Variants in UBLCP1 observed in about 807,000 individuals in gnomAD.
UBLCP1 encodes the protein ubiquitin-like domain-containing CTD phosphatase 1.
In UBLCP1, 28 loss-of-function variants were observed where a neutral mutation model predicts 42.4. The ratio of observed to expected loss-of-function variants is 0.66; its 90% confidence interval spans 0.49 to 0.90. The LOEUF (loss-of-function observed/expected upper bound fraction) is 0.90. UBLCP1 is among the 40% of genes least tolerant of loss of function. UBLCP1 has a pLI of 0.00. For missense variants in UBLCP1, 279 were observed against 374.5 expected (o/e 0.75, Z 2.10); for synonymous variants, 122 against 120.8 (o/e 1.01, Z -0.07).
At position 159,285,271 on chromosome 5, in the gene UBLCP1, A is replaced by T. The variant is rs1025154943; in HGVS notation, c.*340A>T. On this transcript the variant is annotated 3_prime_UTR_variant, in exon 11 of 11. Transcript: ENST00000296786. Reference sequence around the variant, plus strand: ...AGTGGAGAAAAATGTATACTCAACAATGTCATTTTGTGACTTTGGAAACAA... The same window carrying T: ...AGTGGAGAAAAATGTATACTCAACATTGTCATTTTGTGACTTTGGAAACAA... 1.6e-5 allele frequency: 3 copies of T among 192,038 alleles called. No individual in the cohort carries two copies. Among genetic ancestry groups the T allele is most frequent in the Non-Finnish European group, 2.1e-5 (2 of 96,516 alleles). The allele number at this position is 192,038 out of a possible 1,614,324, so 11.9% of individuals were successfully genotyped here. A position where few individuals can be genotyped will look rare whatever the true frequency, so the allele number is the denominator to read the frequency against.
rs1276326905 is a variant in UBLCP1 at position 159,285,677 on chromosome 5, T to G, written c.*746T>G. 6.6e-6 allele frequency: 1 copy of G among 152,316 alleles called. No homozygotes were observed. Among genetic ancestry groups the G allele is most frequent in the East Asian group, 1.9e-4 (1 of 5,332 alleles). The allele number at this position is 152,316 out of a possible 1,614,324, so 9.4% of individuals were successfully genotyped here. On this transcript the variant is annotated 3_prime_UTR_variant, in exon 11 of 11. Transcript: ENST00000296786. ...AATGAGTCTCTTTTTGGTGGCTAAGTAGAATCTTCCTAAAACCATTGTCAT... is the reference window on the plus strand; with the variant it reads ...AATGAGTCTCTTTTTGGTGGCTAAGGAGAATCTTCCTAAAACCATTGTCAT...
At chr5:159,269,222 T>A (rs1584737800) in intron 2 of UBLCP1, among the ~76,000 whole-genome samples, 153 bp downstream of exon 2, 1 of 152,250 alleles carries the variant, frequency 6.6e-6, no homozygotes, top group South Asian at 2.1e-4. Context: ...AGAAATATTC[T>A]TAAAATTGTT....
chr5:159,272,209 T>G (rs1753476619), intron 6 of UBLCP1, 88 bp downstream of exon 6: 1 of 1,021,354 alleles, frequency 9.8e-7, no homozygotes, highest in East Asian at 2.4e-5. Context: ...TAAAATGACC[T>G]GTGTTTAAAT....
Position 159,269,065 on chromosome 5 carries a change from T to G in UBLCP1, c.150T>G (p.Val50=). 6.4e-7 allele frequency: 1 copy of G among 1,574,778 alleles called. No homozygotes were observed. Among genetic ancestry groups the G allele is most frequent in the South Asian group, 1.2e-5 (1 of 81,912 alleles). Residue 50 remains valine, a synonymous_variant, in exon 2 of 11, where the codon GTT becomes GTG. Transcript: ENST00000296786. ...GCCAAAAGTTACTTGGACTCAAAGT[T>G]AAAGGTAATTCTCTCCCCTCTTCAG... ...PERQKLLGLK[V]KGKPAENDVK... is the part of the protein sequence containing the mutation.
Position 159,285,136 on chromosome 5 carries a change from T to C in UBLCP1, c.*205T>C, listed in dbSNP as rs958088918. 1.9e-6 allele frequency: 1 copy of C among 539,670 alleles called. No homozygotes were observed. The highest frequency in any genetic ancestry group is 3.3e-6 in the Non-Finnish European group (1 of 304,564). 33.4% of individuals were successfully genotyped at this position (539,670 alleles called of 1,614,324 possible). ...AAAATGCTTGTCCCCTATATGAATATTCTGTTACGCTTGAAAAATATTTTC... is the reference window on the plus strand; with the variant it reads ...AAAATGCTTGTCCCCTATATGAATACTCTGTTACGCTTGAAAAATATTTTC... On this transcript the variant is annotated 3_prime_UTR_variant, in exon 11 of 11. Transcript: ENST00000296786.
At position 159,283,225 on chromosome 5, in the gene UBLCP1, T is replaced by C. The variant is rs762497919; in HGVS notation, c.815T>C (p.Met272Thr). ...PQNGLKIRPFMKAHLNRDKDK... is the reference protein window; with the variant it reads ...PQNGLKIRPFTKAHLNRDKDK... ...GTTTCCTAATAGATAAGGCCTTTTA[T>C]GAAAGCGCACCTAAATCGTGATAAA... Residue 272 changes from methionine to threonine, a missense_variant, in exon 10 of 11, where the codon ATG becomes ACG. By Grantham distance (81) the Met-to-Thr change is moderately conservative (BLOSUM62 -1). Transcript: ENST00000296786. 2 of 1,605,118 alleles carry C rather than the reference T, an allele frequency of 1.2e-6. No individual in the cohort carries two copies. Among genetic ancestry groups the C allele is most frequent in the South Asian group, 1.1e-5 (1 of 88,400 alleles).
At chr5:159,270,961 GAT>G (rs60889567) in intron 5 of UBLCP1, among the ~76,000 whole-genome samples, 2,151 of 148,380 alleles carry the variant, frequency 0.014, 57 homozygotes, top group African/African-American at 0.051. Flanking sequence ...TATTATGAAT[GAT>G]ATATATATAT....
intron 7 of UBLCP1, 71 bp from the exon 8 acceptor site, chr5:159,275,077 C>A: frequency 7.4e-7 from 1 of 1,348,444 alleles, no homozygotes; most frequent in Non-Finnish European, 1.1e-6. Context: ...GAAATTGCAG[C>A]TAGAATATTC....
chr5:159,277,532 A>G (rs573646913), intron 8 of UBLCP1, among the ~76,000 whole-genome samples: 1 of 152,298 alleles, frequency 6.6e-6, no homozygotes, highest in South Asian at 2.1e-4. Context: ...CATAATGAAA[A>G]GTCATCTTTC....
chr5:159,269,013 A>G lies in UBLCP1; in HGVS notation c.98A>G (p.Lys33Arg), dbSNP rs1372400312. 25 of 1,610,886 alleles carry G rather than the reference A, an allele frequency of 1.6e-5. No individual in the cohort carries two copies. The highest frequency in any genetic ancestry group is 1.6e-4 in the Middle Eastern group (1 of 6,074). The change falls in exon 2 of 11, where the codon AAG becomes AGG. Residue 33 changes from lysine to arginine, a missense_variant. Coordinates refer to ENST00000296786, the MANE Select transcript of UBLCP1 (RefSeq NM_145049.5). ...DTVLDLKQFL[K>R]TLTGVLPERQ... ...GTGCTCGATCTCAAACAGTTTCTCAAGACCCTTACAGGAGTTCTTCCAGAA... is the reference window on the plus strand; with the variant it reads ...GTGCTCGATCTCAAACAGTTTCTCAGGACCCTTACAGGAGTTCTTCCAGAA...
chr5:159,269,307 ACAGT>A (rs1263769885), intron 2 of UBLCP1, among the ~76,000 whole-genome samples: 1 of 152,214 alleles, frequency 6.6e-6, no homozygotes, highest in Non-Finnish European at 1.5e-5. Flanking sequence ...GATGTTTTAG[ACAGT>A]CAGTATTTGC....
chr5:159,272,813 A>G (rs1439509148), intron 6 of UBLCP1, among the ~76,000 whole-genome samples: 2 of 152,272 alleles, frequency 1.3e-5, no homozygotes, highest in Non-Finnish European at 2.9e-5. Flanking sequence ...AGTTTGTTCC[A>G]AGAAGTAAAT....
In UBLCP1 at chr5:159,269,020, T is replaced by TA; in HGVS notation, c.106dup (p.Thr36AsnfsTer16). ...ATCTCAAACAGTTTCTCAAGACCCT[T>TA]ACAGGAGTTCTTCCAGAACGCCAAA... On this transcript the variant is annotated frameshift_variant, in exon 2 of 11. Coordinates refer to ENST00000296786, the MANE Select transcript of UBLCP1 (RefSeq NM_145049.5). LOFTEE classifies it high-confidence loss of function. 1.2e-6 allele frequency: 2 copies of TA among 1,602,030 alleles called. No individual in the cohort carries two copies. The highest frequency in any genetic ancestry group is 1.7e-6 in the Non-Finnish European group (2 of 1,175,770).
intron 9 of UBLCP1, among the ~76,000 whole-genome samples, chr5:159,280,571 G>A (rs1433329276): frequency 6.6e-6 from 1 of 152,172 alleles, no homozygotes; most frequent in Non-Finnish European, 1.5e-5. Context: ...TCAAAGTGCA[G>A]GATTACAGGC....
chr5:159,277,006 G>T (rs1459588268), intron 8 of UBLCP1, among the ~76,000 whole-genome samples: 1 of 152,016 alleles, frequency 6.6e-6, no homozygotes, highest in Non-Finnish European at 1.5e-5. Flanking sequence ...ATAGGTGCTT[G>T]ACCTAATTAA....
intron 1 of UBLCP1, among the ~76,000 whole-genome samples, chr5:159,266,739 T>G (rs1256393673): frequency 6.6e-6 from 1 of 152,212 alleles, no homozygotes; most frequent in Non-Finnish European, 1.5e-5. Context: ...CTTGGTGCCC[T>G]GTATCCCAGC....
chr5:159,283,006 A>C (rs1753626030), intron 9 of UBLCP1, among the ~76,000 whole-genome samples: 1 of 152,100 alleles, frequency 6.6e-6, no homozygotes, highest in South Asian at 2.1e-4. Flanking sequence ...GATTGAAAAG[A>C]TAATGTTAGG....
chr5:159,269,055 G>C lies in UBLCP1; in HGVS notation c.140G>C (p.Gly47Ala). ...CTTCCAGAACGCCAAAAGTTACTTG[G>C]ACTCAAAGTTAAAGGTAATTCTCTC... Reference protein sequence around the residue: ...GVLPERQKLLGLKVKGKPAEN... With the variant: ...GVLPERQKLLALKVKGKPAEN... The change falls in exon 2 of 11, where the codon GGA becomes GCA. Residue 47 changes from glycine (G) to alanine (A), a missense_variant. Physicochemically the swap from Gly to Ala is moderately conservative, Grantham distance 60 (BLOSUM62 0). Coordinates refer to ENST00000296786, the MANE Select transcript of UBLCP1 (RefSeq NM_145049.5). 1 of 1,583,054 alleles carries C rather than the reference G, an allele frequency of 6.3e-7. No individual in the cohort carries two copies. Among genetic ancestry groups the C allele is most frequent in the Non-Finnish European group, 8.6e-7 (1 of 1,168,740 alleles).
intron 10 of UBLCP1, among the ~76,000 whole-genome samples, chr5:159,284,525 A>G (rs1753646589): frequency 6.6e-6 from 1 of 152,196 alleles, no homozygotes; most frequent in African/African-American, 2.4e-5. Flanking sequence ...TTACAATACT[A>G]GTTAATATAG....
Sources: allele counts gnomAD v4.1 joint callset (sites outside exome capture counted in the v4.1 genomes callset), GRCh38; gene constraint gnomAD v4.1.1; transcripts MANE v1.5; gene names NCBI Gene and HGNC (gene_info 2026-07-23, HGNC 2026-07-21).